The following KIF21A variants were observed in gnomAD, a reference collection of about 807,000 sequenced individuals.
The protein encoded by KIF21A is kinesin family member 21A, also known as kinesin-like protein KIF21A.
KIF21A carries 114 observed loss-of-function variants against 202.9 expected under a neutral mutation model. The observed-to-expected ratio is 0.56, with a 90% CI of 0.48 to 0.66. The LOEUF (loss-of-function observed/expected upper bound fraction) is 0.66, where lower values mean the gene tolerates loss of function less well. Among genes scored for constraint, KIF21A ranks in the 30% least tolerant of loss-of-function variants. The probability of loss-of-function intolerance (pLI) is 0.00; values close to 1 mark genes in which losing one functional copy is unlikely to be tolerated. For synonymous variants in KIF21A, 667 were observed against 670.8 expected, an observed-to-expected ratio of 0.99 and a Z score of 0.09; for missense variants, 1,677 against 1,994.9, an observed-to-expected ratio of 0.84 and a Z score of 3.04.
At chr12:39,298,609 T>C (rs1311943432) in intron 37 of KIF21A, among the ~76,000 whole-genome samples, 1 of 152,110 alleles carries the variant, frequency 6.6e-6, no homozygotes, top group South Asian at 2.1e-4. Context: ...AAAACAAGTG[T>C]TAAAAACATA....
intron 24 of KIF21A, among the ~76,000 whole-genome samples, chr12:39,328,548 C>T (rs754757115): frequency 3.9e-5 from 6 of 152,070 alleles, no homozygotes; most frequent in Admixed American, 6.6e-5. Context: ...TAGTGGTGAC[C>T]GTGGGGATCC....
At chr12:39,410,779 AAATAAT>A (rs1048057088) in intron 1 of KIF21A, among the ~76,000 whole-genome samples, 4 of 152,142 alleles carry the variant, frequency 2.6e-5, no homozygotes, top group African/African-American at 9.7e-5. Context: ...AGAAACATCT[AAATAAT>A]AATAATAAAT....
chr12:39,334,462 C>T (rs1946789125), intron 17 of KIF21A, among the ~76,000 whole-genome samples: 1 of 152,054 alleles, frequency 6.6e-6, no homozygotes, highest in African/African-American at 2.4e-5. Context: ...GATGGGAATT[C>T]CTTGAGAAAA....
chr12:39,436,071 AC>A (rs1182874226), intron 1 of KIF21A, among the ~76,000 whole-genome samples: 1 of 152,096 alleles, frequency 6.6e-6, no homozygotes, highest in East Asian at 1.9e-4. Context: ...TCAAGTTCCT[AC>A]TACTGAGGTG....
At chr12:39,363,601 C>A (rs17127070) in intron 6 of KIF21A, among the ~76,000 whole-genome samples, 17,259 of 152,156 alleles carry the variant, frequency 0.11, 990 homozygotes, top group East Asian at 0.14. Flanking sequence ...CAGTTTGATG[C>A]AAATTTTCGT....
chr12:39,340,885 T>C, intron 15 of KIF21A, 21 bp downstream of exon 15: 3 of 1,547,012 alleles, frequency 1.9e-6, no homozygotes, highest in Non-Finnish European at 2.7e-6. Flanking sequence ...AACTTTCATT[T>C]GAATTAAATA....
chr12:39,313,955 G>C (rs545053771), intron 31 of KIF21A, among the ~76,000 whole-genome samples: 34 of 151,706 alleles, frequency 2.2e-4, no homozygotes, highest in African/African-American at 7.7e-4. Context: ...CTATTGAGCT[G>C]ATAAAAGAAC....
chr12:39,319,410 T>C (rs993722497), intron 28 of KIF21A, among the ~76,000 whole-genome samples: 5 of 152,098 alleles, frequency 3.3e-5, no homozygotes, highest in Admixed American at 1.3e-4. Flanking sequence ...AGAAGAAACA[T>C]TGAGGATAAT....
intron 1 of KIF21A, among the ~76,000 whole-genome samples, chr12:39,411,686 C>T (rs995950011): frequency 2.0e-5 from 3 of 151,998 alleles, no homozygotes; most frequent in African/African-American, 7.2e-5. Flanking sequence ...ACCACCACAC[C>T]CAGCTAATTT....
intron 8 of KIF21A, 32 bp downstream of exon 8, chr12:39,358,144 ATC>A: frequency 6.3e-7 from 1 of 1,587,084 alleles, no homozygotes. Context: ...CCTTAGATGT[ATC>A]ACAAAATGCA....
chr12:39,316,265 T>C (rs1944528769), intron 29 of KIF21A, among the ~76,000 whole-genome samples: 1 of 152,140 alleles, frequency 6.6e-6, no homozygotes, highest in East Asian at 1.9e-4. Flanking sequence ...AAGAATAGTA[T>C]CAAGTACATG....
At chr12:39,318,581 T>A (rs1165518714) in intron 28 of KIF21A, among the ~76,000 whole-genome samples, 1 of 152,230 alleles carries the variant, frequency 6.6e-6, no homozygotes, top group Non-Finnish European at 1.5e-5. Flanking sequence ...CATCTATTTT[T>A]AAATCATTTA....
chr12:39,332,593 T>G lies in KIF21A; in HGVS notation c.2854A>C (p.Lys952Gln). The change falls in exon 20 of 38, where the codon AAG (lysine) becomes CAG (glutamine). Residue 952 changes from lysine to glutamine, a missense_variant and splice_region_variant. Physicochemically the swap from Lys to Gln is moderately conservative, Grantham distance 53. Coordinates refer to ENST00000361418, the MANE Select transcript of KIF21A (RefSeq NM_001173464.2). ...NMEADMNRLL[K>Q]QREELTKRRE... ...TATCTACTCTCTATTTTCCACACCT[T>G]GAGGAGTCTATTCATATCTGCCTCC... The G allele has an allele frequency of 6.2e-7, 1 of 1,612,694 alleles. No homozygotes were observed. The highest frequency in any genetic ancestry group is 8.5e-7 in the Non-Finnish European group (1 of 1,179,446).
intron 19 of KIF21A, 39 bp from the exon 20 acceptor site, chr12:39,332,783 C>T: frequency 6.2e-7 from 1 of 1,610,342 alleles, no homozygotes; most frequent in Non-Finnish European, 8.5e-7. Flanking sequence ...ATTACTTATG[C>T]ACTTATTTGA....
intron 1 of KIF21A, among the ~76,000 whole-genome samples, chr12:39,423,975 C>A (rs1390754411): frequency 9.2e-6 from 1 of 108,280 alleles, no homozygotes; most frequent in African/African-American, 3.7e-5. Context: ...CAGAGCAAGA[C>A]TCTGTCTCAA....
In KIF21A at chr12:39,318,138, A is replaced by G. The variant is rs758677158; in HGVS notation, c.3843T>C (p.Arg1281=). Residue 1281 remains arginine, a synonymous_variant, in exon 29 of 38, where the codon CGT becomes CGC. Transcript: ENST00000361418. ...SPPSSPPSRP[R]NELNVFNRLT... is the part of the protein sequence containing the mutation. ...GACGATTAAAAACATTCAGTTCATT[A>G]CGGGGCCGGCTTGGTGGGGAAGAAG... is the stretch of plus-strand genomic sequence containing the variant. The G allele has an allele frequency of 6.2e-7, 1 of 1,613,562 alleles. No individual in the cohort carries two copies. The highest frequency in any genetic ancestry group is 1.7e-5 in the Admixed American group (1 of 60,014).
Position 39,330,909 on chromosome 12 carries a change from A to G in KIF21A, c.3156T>C (p.Gly1052=), listed in dbSNP as rs1946450928. The G allele has an allele frequency of 6.2e-7, 1 of 1,613,836 alleles. No homozygotes were observed. Among genetic ancestry groups the G allele is most frequent in the Non-Finnish European group, 8.5e-7 (1 of 1,179,810 alleles). ...DHFLSMGINK[G]LQAAQKEAQI... is the part of the protein sequence containing the mutation. ...GAGCCTCTTTCTGGGCAGCCTGAAGACCCTGAAACACAACAAAAAATTATC... is the reference window on the plus strand; with the variant it reads ...GAGCCTCTTTCTGGGCAGCCTGAAGGCCCTGAAACACAACAAAAAATTATC... The change falls in exon 23 of 38, where the codon GGT becomes GGC. Residue 1052 remains glycine, a splice_region_variant and synonymous_variant. Transcript: ENST00000361418.
At chr12:39,347,151 A>C (rs1205358112) in intron 11 of KIF21A, among the ~76,000 whole-genome samples, 2 of 151,800 alleles carry the variant, frequency 1.3e-5, no homozygotes, top group Non-Finnish European at 2.9e-5. Context: ...TATTAATTGA[A>C]AATAAAATTT....
intron 1 of KIF21A, among the ~76,000 whole-genome samples, chr12:39,437,590 A>T (rs1345689592): frequency 6.6e-6 from 1 of 152,218 alleles, no homozygotes; most frequent in Non-Finnish European, 1.5e-5. Context: ...AACGTCATTG[A>T]GAAAAATAAG....
Sources: gnomAD v4.1 joint callset for allele counts (sites outside exome capture counted in the v4.1 genomes callset) on GRCh38, gnomAD v4.1.1 for gene constraint, MANE v1.5 for transcripts, NCBI Gene and HGNC (gene_info 2026-07-23, HGNC 2026-07-21) for gene names.